ARHGAP26: variants seen among roughly 807,000 people sequenced by gnomAD.
ARHGAP26 encodes Rho GTPase activating protein 26.
Under a neutral mutation model 104.8 loss-of-function variants are expected in ARHGAP26, and 38 were observed. That is an observed-to-expected ratio of 0.36 (90% CI 0.28 to 0.48). The LOEUF is 0.48. Among genes scored for constraint, ARHGAP26 ranks in the 20% least tolerant of loss-of-function variants. The probability of loss-of-function intolerance (pLI) is 0.99; values close to 1 mark genes in which losing one functional copy is unlikely to be tolerated. For missense variants in ARHGAP26, 704 were observed against 947.9 expected (o/e 0.74, Z 3.38); for synonymous variants, 341 against 340.0 (o/e 1.00, Z -0.03).
chr5:143,054,583 G>A, intron 15 of ARHGAP26, 57 bp downstream of exon 15: 1 of 1,318,140 alleles, frequency 7.6e-7, no homozygotes, highest in Non-Finnish European at 1.1e-6. Flanking sequence ...CAATCAGGAA[G>A]AAAGCAGTTT....
chr5:142,873,014 A>G (rs1755542539), intron 1 of ARHGAP26, among the ~76,000 whole-genome samples: 2 of 152,152 alleles, frequency 1.3e-5, no homozygotes, highest in South Asian at 4.1e-4. Context: ...GGGAAACTGC[A>G]CTGACTGTGT....
chr5:142,949,100 G>A (rs1244856401), intron 11 of ARHGAP26, among the ~76,000 whole-genome samples: 2 of 145,430 alleles, frequency 1.4e-5, no homozygotes, highest in African/African-American at 2.6e-5. Context: ...GTGAGACTCC[G>A]TCTCAAAAAA....
At chr5:143,071,147 C>G (rs147900661) in intron 17 of ARHGAP26, among the ~76,000 whole-genome samples, 1 of 152,058 alleles carries the variant, frequency 6.6e-6, no homozygotes, top group African/African-American at 2.4e-5. Context: ...AATAGAGAAC[C>G]CCTAAATTAA....
At chr5:142,855,978 A>C (rs1402261927) in intron 1 of ARHGAP26, among the ~76,000 whole-genome samples, 1 of 152,222 alleles carries the variant, frequency 6.6e-6, no homozygotes, top group Non-Finnish European at 1.5e-5. Flanking sequence ...AGAGGTGTAT[A>C]ATCGCGGCTG....
intron 1 of ARHGAP26, among the ~76,000 whole-genome samples, chr5:142,854,000 G>C (rs1001427678): frequency 6.6e-6 from 1 of 152,158 alleles, no homozygotes; most frequent in Non-Finnish European, 1.5e-5. Context: ...AGTCAGTTTT[G>C]TTAGTTTATG....
intron 20 of ARHGAP26, among the ~76,000 whole-genome samples, chr5:143,160,856 C>G (rs546367045): frequency 6.6e-6 from 1 of 152,308 alleles, no homozygotes; most frequent in East Asian, 1.9e-4. Flanking sequence ...GGCTCCCTCT[C>G]TCCAGGCTGG....
chr5:143,183,085 A>G (rs1263815432), intron 20 of ARHGAP26, among the ~76,000 whole-genome samples: 2 of 151,612 alleles, frequency 1.3e-5, no homozygotes, highest in Admixed American at 6.6e-5. Context: ...AAAAAAAAAA[A>G]AAAAAAGAAA....
At chr5:142,883,946 G>C (rs977585623) in intron 4 of ARHGAP26, among the ~76,000 whole-genome samples, 1 of 152,172 alleles carries the variant, frequency 6.6e-6, no homozygotes, top group South Asian at 2.1e-4. Flanking sequence ...TACACAGAGT[G>C]GTTGCTGATT....
chr5:143,037,338 G>GT lies in ARHGAP26; in HGVS notation c.1210+80dup. ...TGAGGAGTCAGACCTGCTACCTGCTGTTTCCTGACTTTAAGTGACTCATTA... is the reference window on the plus strand; with the variant it reads ...TGAGGAGTCAGACCTGCTACCTGCTGTTTTCCTGACTTTAAGTGACTCATTA... On this transcript the variant is annotated intron_variant, in intron 13 of 22. Transcript: ENST00000645722. 3.1e-6 allele frequency: 4 copies of GT among 1,279,352 alleles called. No individual in the cohort carries two copies. The South Asian group carries it at 6.0e-5, about 19-fold the overall frequency. The allele number at this position is 1,279,352 out of a possible 1,614,324, so 79.3% of individuals were successfully genotyped here. A position where few individuals can be genotyped will look rare whatever the true frequency, so the allele number is the denominator to read the frequency against.
intron 6 of ARHGAP26, among the ~76,000 whole-genome samples, chr5:142,898,000 A>G (rs1759720528): frequency 6.6e-6 from 1 of 152,202 alleles, no homozygotes; most frequent in Non-Finnish European, 1.5e-5. Flanking sequence ...AGGGACCTCT[A>G]TGCAAATCGA....
intron 11 of ARHGAP26, among the ~76,000 whole-genome samples, chr5:142,943,412 G>A (rs1325717362): frequency 2.6e-5 from 4 of 152,080 alleles, no homozygotes; most frequent in African/African-American, 4.8e-5. Context: ...TCTAGTTAGG[G>A]CCTATTTTCT....
chr5:142,781,769 T>C (rs6580259), intron 1 of ARHGAP26, among the ~76,000 whole-genome samples: 9,677 of 152,188 alleles, frequency 0.064, 564 homozygotes, highest in East Asian at 0.18. Flanking sequence ...TGGAGTGCAG[T>C]GGTATTATCT....
intron 1 of ARHGAP26, among the ~76,000 whole-genome samples, chr5:142,834,759 G>C (rs1287818615): frequency 2.0e-5 from 3 of 152,226 alleles, no homozygotes; most frequent in African/African-American, 2.4e-5. Context: ...GCCACATTCT[G>C]TTGGCCAAAA....
intron 10 of ARHGAP26, 95 bp downstream of exon 10, chr5:142,913,388 C>G: frequency 9.3e-7 from 1 of 1,075,498 alleles, no homozygotes; most frequent in Non-Finnish European, 1.4e-6. Context: ...CTTTTTTCCC[C>G]TTCTCCCCCT....
At chr5:142,853,482 T>A (rs376808061) in intron 1 of ARHGAP26, among the ~76,000 whole-genome samples, 4 of 152,216 alleles carry the variant, frequency 2.6e-5, no homozygotes, top group African/African-American at 9.6e-5. Flanking sequence ...TGAGCCACTA[T>A]GCCCAGCCTA....
At chr5:143,128,022 C>T (rs1354864260) in intron 18 of ARHGAP26, among the ~76,000 whole-genome samples, 3 of 152,104 alleles carry the variant, frequency 2.0e-5, no homozygotes, top group Non-Finnish European at 4.4e-5. Context: ...ATGGTTCTTG[C>T]TTGTACTCTT....
intron 1 of ARHGAP26, among the ~76,000 whole-genome samples, chr5:142,850,147 G>T (rs1395673874): frequency 6.6e-6 from 1 of 152,164 alleles, no homozygotes; most frequent in Admixed American, 6.5e-5. Context: ...CTCCTGCTCT[G>T]CCTATGGCTT....
rs1811851353 is a variant in ARHGAP26, at chr5:143,228,758, A to C, written c.*6312A>C. 1 of 201,462 alleles carries C rather than the reference A, an allele frequency of 5.0e-6. No homozygotes were observed. The highest frequency in any genetic ancestry group is 6.0e-5 in the Admixed American group (1 of 16,640). The allele number at this position is 201,462 out of a possible 1,614,324, so 12.5% of individuals were successfully genotyped here. On this transcript the variant is annotated 3_prime_UTR_variant, in exon 23 of 23. Coordinates refer to ENST00000645722, the MANE Select transcript of ARHGAP26 (RefSeq NM_001135608.3). ...TATTGACTATTGACTCGTGCATAGA[A>C]TCCAATGCTGTAATTAGAAAGTAAT... is the stretch of plus-strand genomic sequence containing the variant.
chr5:142,804,582 C>T (rs181001175), intron 1 of ARHGAP26, among the ~76,000 whole-genome samples: 1 of 151,232 alleles, frequency 6.6e-6, no homozygotes, highest in Admixed American at 6.6e-5. Context: ...ACCTCTGCCT[C>T]CTGGGTTCAA....
Sources: gnomAD v4.1 joint callset for allele counts (sites outside exome capture counted in the v4.1 genomes callset) on GRCh38, gnomAD v4.1.1 for gene constraint, MANE v1.5 for transcripts, NCBI Gene and HGNC (gene_info 2026-07-23, HGNC 2026-07-21) for gene names.